The following SHISA9 variants were observed in gnomAD, a reference collection of about 807,000 sequenced individuals.
SHISA9 encodes protein shisa-9.
A neutral mutation model predicts 38.0 loss-of-function variants in SHISA9; 13 were observed. The ratio of observed to expected loss-of-function variants is 0.34; its 90% CI spans 0.22 to 0.54. SHISA9 has a LOEUF of 0.54. Ranked by LOEUF, SHISA9 falls within the 20% of genes least tolerant of loss-of-function variation. The probability of loss-of-function intolerance (pLI) is 0.91; values close to 1 mark genes in which losing one functional copy is unlikely to be tolerated. For missense variants in SHISA9, 538 were observed against 575.8 expected (o/e 0.93, Z 0.67); for synonymous variants, 275 against 242.0 (o/e 1.14, Z -1.27).
the SHISA9 span, among the ~76,000 whole-genome samples, chr16:13,555,711 C>T: frequency 6.6e-6 from 1 of 152,168 alleles, no homozygotes; most frequent in African/African-American, 2.4e-5. Flanking sequence ...CCCCACTGAG[C>T]TTTAAGGCTA....
At chr16:13,139,472 T>C (rs576868256) in intron 2 of SHISA9, among the ~76,000 whole-genome samples, 1 of 147,386 alleles carries the variant, frequency 6.8e-6, no homozygotes, top group African/African-American at 2.5e-5. Flanking sequence ...CTCTCTCTCT[T>C]CCTTCCTTCC....
intron 2 of SHISA9, among the ~76,000 whole-genome samples, chr16:13,006,969 C>G (rs1258210827): frequency 1.3e-5 from 2 of 152,136 alleles, no homozygotes; most frequent in African/African-American, 4.8e-5. Context: ...CTGTCACCCT[C>G]GACACCTTCT....
the SHISA9 span, among the ~76,000 whole-genome samples, chr16:13,375,452 T>A: frequency 1.3e-5 from 2 of 152,154 alleles, no homozygotes; most frequent in Admixed American, 1.3e-4. Flanking sequence ...TTCTTGTTTT[T>A]GTCAGGTTTG....
In SHISA9 at chr16:13,176,208, G is replaced by A. The variant is rs538354632; in HGVS notation, c.692-27186G>A. On this transcript the variant is annotated intron_variant, in intron 2 of 4. Coordinates refer to ENST00000558583, the MANE Select transcript of SHISA9 (RefSeq NM_001145204.3). Reference sequence around the variant, plus strand: ...ATCCTTGTCCCTAAGACTGTATCTAGATTTGGAGGGGGCTTATATAGCCAG... The same window carrying A: ...ATCCTTGTCCCTAAGACTGTATCTAAATTTGGAGGGGGCTTATATAGCCAG... Among the ~76,000 whole-genome samples the A allele has an allele frequency of 3.3e-5, 5 of 152,046 alleles. No individual in the cohort carries two copies. The South Asian group carries it at 1.0e-3, about 32-fold the overall frequency.
At chr16:12,947,739 A>T (rs541796530) in intron 2 of SHISA9, among the ~76,000 whole-genome samples, 1 of 152,206 alleles carries the variant, frequency 6.6e-6, no homozygotes, top group Non-Finnish European at 1.5e-5. Flanking sequence ...CACACGAAGG[A>T]AAGAACTCCC....
the SHISA9 span, among the ~76,000 whole-genome samples, chr16:13,530,421 T>A: frequency 2.6e-5 from 4 of 152,218 alleles, no homozygotes; most frequent in Non-Finnish European, 5.9e-5. Context: ...TTATAACTTC[T>A]GTTTTATGGG....
At chr16:13,283,244 A>G in the SHISA9 span, among the ~76,000 whole-genome samples, 3 of 151,992 alleles carry the variant, frequency 2.0e-5, no homozygotes, top group African/African-American at 7.3e-5. Context: ...TATTTATCAA[A>G]TTTTTCTAAC....
At chr16:13,219,933 G>T (rs1412533905) in intron 4 of SHISA9, among the ~76,000 whole-genome samples, 1 of 152,096 alleles carries the variant, frequency 6.6e-6, no homozygotes, top group East Asian at 1.9e-4. Context: ...ACTCCAGCCT[G>T]GGTGACAGAG....
chr16:13,491,939 A>G, the SHISA9 span, among the ~76,000 whole-genome samples: 1 of 142,186 alleles, frequency 7.0e-6, no homozygotes, highest in Non-Finnish European at 1.5e-5. Context: ...AGCCTCCCAA[A>G]GTACTGAGAT....
the SHISA9 span, among the ~76,000 whole-genome samples, chr16:13,485,003 G>T: frequency 1.3e-5 from 2 of 151,784 alleles, no homozygotes; most frequent in African/African-American, 2.4e-5. Flanking sequence ...AAGTGATGCT[G>T]CAGTAACAAC....
chr16:12,920,851 TC>T (rs2071318987), intron 2 of SHISA9, among the ~76,000 whole-genome samples: 2 of 152,226 alleles, frequency 1.3e-5, no homozygotes, highest in African/African-American at 4.8e-5. Flanking sequence ...TAGAGTCCCA[TC>T]CAGGATACCA....
the SHISA9 span, among the ~76,000 whole-genome samples, chr16:13,546,744 A>T: frequency 7.2e-5 from 11 of 152,178 alleles, no homozygotes; most frequent in African/African-American, 2.7e-4. Context: ...ATTGGCACAA[A>T]ACCATATTCA....
the SHISA9 span, among the ~76,000 whole-genome samples, chr16:13,452,100 C>T: frequency 6.6e-6 from 1 of 152,200 alleles, no homozygotes; most frequent in South Asian, 2.1e-4. Flanking sequence ...CGGTGACAGC[C>T]TTCTCCAGTG....
the SHISA9 span, among the ~76,000 whole-genome samples, chr16:13,539,948 T>C: frequency 5.9e-5 from 9 of 152,136 alleles, no homozygotes; most frequent in Non-Finnish European, 1.0e-4. Flanking sequence ...TATGGCTGTA[T>C]AGTATTCCAT....
At chr16:12,937,638 G>C (rs1232236243) in intron 2 of SHISA9, among the ~76,000 whole-genome samples, 3 of 152,216 alleles carry the variant, frequency 2.0e-5, no homozygotes, top group Non-Finnish European at 4.4e-5. Context: ...CCTTCTTGCT[G>C]TGTCCTCACA....
the SHISA9 span, among the ~76,000 whole-genome samples, chr16:13,423,283 G>A: frequency 1.3e-5 from 2 of 152,148 alleles, no homozygotes; most frequent in Admixed American, 6.5e-5. Context: ...ACCAGCCTCT[G>A]GCCATCTGAC....
At chr16:13,011,172 G>T (rs2072668538) in intron 2 of SHISA9, among the ~76,000 whole-genome samples, 1 of 152,102 alleles carries the variant, frequency 6.6e-6, no homozygotes, top group Non-Finnish European at 1.5e-5. Flanking sequence ...TTTAGACAGT[G>T]AACCTTTCTT....
At chr16:13,096,325 GC>G (rs1354982142) in intron 2 of SHISA9, among the ~76,000 whole-genome samples, 1 of 152,152 alleles carries the variant, frequency 6.6e-6, no homozygotes, top group African/African-American at 2.4e-5. Context: ...CCCAAGCCTT[GC>G]GACACAGAAT....
intron 2 of SHISA9, among the ~76,000 whole-genome samples, chr16:12,971,650 G>C (rs1446523937): frequency 6.6e-6 from 1 of 151,956 alleles, no homozygotes; most frequent in African/African-American, 2.4e-5. Context: ...TAGGAGCAGG[G>C]GCTGTAGGAA....
Sources: allele counts gnomAD v4.1 joint callset (sites outside exome capture counted in the v4.1 genomes callset), GRCh38; gene constraint gnomAD v4.1.1; transcripts MANE v1.5; gene names NCBI Gene and HGNC (gene_info 2026-07-23, HGNC 2026-07-21).